The following FLT1 variants were observed in gnomAD, a reference collection of about 807,000 sequenced individuals.
The protein encoded by FLT1 is fms related receptor tyrosine kinase 1, also known as vascular endothelial growth factor receptor 1.
A neutral mutation model predicts 156.3 loss-of-function variants in FLT1; 49 were observed. The observed-to-expected ratio is 0.31, with a 90% CI of 0.25 to 0.40. The LOEUF is 0.40. FLT1 is among the 10% of genes least tolerant of loss of function. FLT1 has a pLI of 1.00. For missense variants in FLT1, 1,322 were observed against 1,637.2 expected (o/e 0.81, Z 3.32); for synonymous variants, 594 against 583.8 (o/e 1.02, Z -0.25).
intron 11 of FLT1, among the ~76,000 whole-genome samples, chr13:28,400,085 C>T (rs1875341253): frequency 1.3e-5 from 2 of 152,176 alleles, no homozygotes; most frequent in South Asian, 2.1e-4. Context: ...GCCTATGCTC[C>T]TAATCTCTAC....
intron 11 of FLT1, among the ~76,000 whole-genome samples, chr13:28,400,829 G>A (rs1319534689): frequency 6.6e-6 from 1 of 152,144 alleles, no homozygotes; most frequent in East Asian, 1.9e-4. Flanking sequence ...AATTCTTAAG[G>A]ATATCTACTT....
intron 18 of FLT1, among the ~76,000 whole-genome samples, chr13:28,330,156 C>A (rs889431237): frequency 2.0e-5 from 3 of 152,264 alleles, no homozygotes; most frequent in Non-Finnish European, 4.4e-5. Flanking sequence ...GCACAAGGGG[C>A]CTGCCAGGGC....
intron 1 of FLT1, among the ~76,000 whole-genome samples, chr13:28,480,645 T>C (rs970544609): frequency 1.3e-5 from 2 of 152,212 alleles, no homozygotes; most frequent in African/African-American, 4.8e-5. Flanking sequence ...TCTTTCCTTT[T>C]AAACAAGTGT....
At chr13:28,473,765 GGAAGGAAGGAAGGAAAGAAA>G (rs1173202062) in intron 1 of FLT1, among the ~76,000 whole-genome samples, 206 of 92,404 alleles carry the variant, frequency 2.2e-3, no homozygotes, top group African/African-American at 3.0e-3. Context: ...AAGGAAGGAA[GGAAGGAAGGAAGGAAAGAAA>G]GAAAGAAAGA....
At chr13:28,352,477 A>G (rs1440252846) in intron 15 of FLT1, among the ~76,000 whole-genome samples, 1 of 152,232 alleles carries the variant, frequency 6.6e-6, no homozygotes, top group East Asian at 1.9e-4. Flanking sequence ...TACGGAAGGA[A>G]TTAAGATGAA....
intron 1 of FLT1, among the ~76,000 whole-genome samples, chr13:28,482,576 C>G (rs1427444868): frequency 6.6e-6 from 1 of 152,162 alleles, no homozygotes; most frequent in African/African-American, 2.4e-5. Context: ...ACCTCCCCTC[C>G]TAAGTTTGTA....
chr13:28,467,845 A>G (rs1053646239), intron 1 of FLT1, among the ~76,000 whole-genome samples: 1 of 152,168 alleles, frequency 6.6e-6, no homozygotes, highest in Non-Finnish European at 1.5e-5. Context: ...TTTATACCAA[A>G]TGACCTAAAT....
chr13:28,389,201 G>A, intron 13 of FLT1: 3 of 1,095,872 alleles, frequency 2.7e-6, no homozygotes, highest in Non-Finnish European at 3.3e-6. Context: ...CTATCCAGGT[G>A]CTATTTACAA....
At chr13:28,436,964 GTGGCACCAGCCTCTGCTCTTAACCACACT>G (rs1878061226) in intron 4 of FLT1, among the ~76,000 whole-genome samples, 1 of 152,230 alleles carries the variant, frequency 6.6e-6, no homozygotes, top group African/African-American at 2.4e-5. Context: ...TGCAGGCAAT[GTGGCACCAGCCTCTGCTCTTAACCACACT>G]TGTCTTCCTC....
At position 28,311,617 on chromosome 13, in the gene FLT1, A is replaced by T. The variant is rs747998054; in HGVS notation, c.3608T>A (p.Phe1203Tyr). Residue 1203 changes from phenylalanine (F) to tyrosine (Y), a missense_variant, in exon 27 of 30, where the codon TTT becomes TAT. Phe to Tyr is a conservative substitution (Grantham distance 22, BLOSUM62 3). Transcript: ENST00000282397. ...FFKESISAPKFNSGSSDDVRY... is the reference protein window; with the variant it reads ...FFKESISAPKYNSGSSDDVRY... Reference sequence around the variant, plus strand: ...GACATCATCAGAGCTTCCTGAATTAAACTTCGGAGCTGAAATACTTTCCTT... The same window carrying T: ...GACATCATCAGAGCTTCCTGAATTATACTTCGGAGCTGAAATACTTTCCTT... 4 of 1,613,890 alleles carry T rather than the reference A, an allele frequency of 2.5e-6. No homozygotes were observed. The Admixed American group carries it at 6.7e-5, about 27-fold the overall frequency.
intron 3 of FLT1, among the ~76,000 whole-genome samples, chr13:28,466,171 A>G (rs554626992): frequency 1.3e-5 from 2 of 152,216 alleles, no homozygotes; most frequent in African/African-American, 4.8e-5. Flanking sequence ...CAGGGTTCCA[A>G]TTTTACTGTG....
intron 17 of FLT1, 93 bp downstream of exon 17, chr13:28,339,075 G>T: frequency 8.3e-7 from 1 of 1,199,052 alleles, no homozygotes; most frequent in South Asian, 1.3e-5. Context: ...AGAATCCCAG[G>T]TCTAGTTTAC....
At chr13:28,409,245 C>A (rs1875995174) in intron 10 of FLT1, among the ~76,000 whole-genome samples, 1 of 152,214 alleles carries the variant, frequency 6.6e-6, no homozygotes, top group Admixed American at 6.5e-5. Flanking sequence ...CTTCCCACCA[C>A]ACTCAAAAGT....
rs1045906733 is a variant in FLT1, at chr13:28,461,354, C to G, written c.388+5549G>C. On this transcript the variant is annotated intron_variant, in intron 3 of 29. Coordinates refer to ENST00000282397, the MANE Select transcript of FLT1 (RefSeq NM_002019.4). ...CGTAGTTTGATGTCAAGAGCTGCAA[C>G]TCCAGTACAGGGGAAATAGACCTAA... is the stretch of plus-strand genomic sequence containing the variant. Among the ~76,000 whole-genome samples, 25 of 152,308 alleles carry G rather than the reference C, an allele frequency of 1.6e-4. No individual in the cohort carries two copies. The East Asian group carries it at 3.5e-3, about 21-fold the overall frequency.
intron 10 of FLT1, among the ~76,000 whole-genome samples, chr13:28,407,540 C>A (rs1266531719): frequency 1.3e-5 from 2 of 152,184 alleles, no homozygotes; most frequent in African/African-American, 4.8e-5. Flanking sequence ...ATAACCACAA[C>A]ACTACTTTTA....
At chr13:28,441,024 C>T (rs185887650) in intron 3 of FLT1, among the ~76,000 whole-genome samples, 39 of 152,174 alleles carry the variant, frequency 2.6e-4, no homozygotes, top group African/African-American at 6.5e-4. Context: ...CACCAGAGAC[C>T]GTCTCCCAAC....
At chr13:28,399,885 AG>A (rs1310073564) in intron 11 of FLT1, among the ~76,000 whole-genome samples, 1 of 152,212 alleles carries the variant, frequency 6.6e-6, no homozygotes, top group Non-Finnish European at 1.5e-5. Flanking sequence ...ACAATGCACC[AG>A]GCAGCATGCA....
chr13:28,445,061 T>A (rs1311972106), intron 3 of FLT1, among the ~76,000 whole-genome samples: 1 of 152,108 alleles, frequency 6.6e-6, no homozygotes, highest in Non-Finnish European at 1.5e-5. Context: ...AACAACAGAA[T>A]AAATTAGTTT....
At chr13:28,368,584 TGATGATGATGATGAC>T (rs1461634764) in intron 14 of FLT1, 5 of 1,497,416 alleles carry the variant, frequency 3.3e-6, no homozygotes, top group African/African-American at 1.4e-5. Flanking sequence ...ATAGCTATGA[TGATGATGATGATGAC>T]GATGATGATG....
Sources: allele counts gnomAD v4.1 joint callset (sites outside exome capture counted in the v4.1 genomes callset), GRCh38; gene constraint gnomAD v4.1.1; transcripts MANE v1.5; gene names NCBI Gene and HGNC (gene_info 2026-07-23, HGNC 2026-07-21).